Variants in DOCK1 observed in about 807,000 individuals in gnomAD.
DOCK1 encodes dedicator of cytokinesis 1.
A neutral mutation model predicts 262.7 loss-of-function variants in DOCK1; 138 were observed. The observed-to-expected ratio is 0.53, with a 90% confidence interval of 0.46 to 0.61. DOCK1 has a LOEUF of 0.61. Among genes scored for constraint, DOCK1 ranks in the 20% least tolerant of loss-of-function variants. DOCK1 has a pLI of 0.00. For synonymous variants in DOCK1, 866 were observed against 867.4 expected (o/e 1.00, Z 0.03); for missense variants, 1,908 against 2,370.7 (o/e 0.80, Z 4.05).
At chr10:127,194,658 T>C (rs2483868) in intron 27 of DOCK1, among the ~76,000 whole-genome samples, 152,055 of 152,288 alleles carry the variant, frequency 1, 75,911 homozygotes, top group Non-Finnish European at 1. Context: ...GCGCAGTCAC[T>C]CTGACAGTCC....
chr10:127,054,179 G>A (rs1365753473), intron 22 of DOCK1, among the ~76,000 whole-genome samples: 1 of 152,154 alleles, frequency 6.6e-6, no homozygotes, highest in Non-Finnish European at 1.5e-5. Context: ...AGGAGAAGGG[G>A]GAAGAATTCA....
intron 27 of DOCK1, among the ~76,000 whole-genome samples, chr10:127,236,367 C>T (rs1277771911): frequency 6.9e-6 from 1 of 145,470 alleles, no homozygotes; most frequent in African/African-American, 2.6e-5. Context: ...CCTTCCCTCC[C>T]TCCTTTGCTC....
intron 1 of DOCK1, among the ~76,000 whole-genome samples, chr10:126,914,465 C>G (rs1050365349): frequency 6.6e-6 from 1 of 152,052 alleles, no homozygotes; most frequent in African/African-American, 2.4e-5. Context: ...TGCAGTGATG[C>G]GATCATAGCT....
At chr10:126,989,838 T>C (rs2039668395) in intron 5 of DOCK1, among the ~76,000 whole-genome samples, 1 of 152,218 alleles carries the variant, frequency 6.6e-6, no homozygotes, top group Admixed American at 6.5e-5. Flanking sequence ...ATTTGCATTT[T>C]CCTCTTGTCA....
At chr10:127,340,075 TTTTTAA>T (rs1328663956) in intron 30 of DOCK1, among the ~76,000 whole-genome samples, 1 of 152,168 alleles carries the variant, frequency 6.6e-6, no homozygotes, top group African/African-American at 2.4e-5. Context: ...TTTTTATAAT[TTTTTAA>T]TTTTAAGTGT....
At chr10:127,313,146 C>G (rs1339388131) in intron 29 of DOCK1, among the ~76,000 whole-genome samples, 1 of 152,154 alleles carries the variant, frequency 6.6e-6, no homozygotes, top group Non-Finnish European at 1.5e-5. Context: ...ACCAGCTACT[C>G]TATGAAGTCT....
chr10:127,279,000 C>T (rs148990146), intron 29 of DOCK1, among the ~76,000 whole-genome samples: 59 of 152,340 alleles, frequency 3.9e-4, no homozygotes, highest in African/African-American at 1.4e-3. Flanking sequence ...GTGCCATGAA[C>T]AGTCTGGGTT....
intron 38 of DOCK1, among the ~76,000 whole-genome samples, chr10:127,398,328 C>T (rs894410152): frequency 5.3e-5 from 8 of 152,214 alleles, no homozygotes; most frequent in African/African-American, 1.7e-4. Context: ...TTCCTTGCAG[C>T]GTAGTTGCAG....
chr10:127,002,796 C>T (rs1161980703), intron 10 of DOCK1, among the ~76,000 whole-genome samples: 3 of 152,218 alleles, frequency 2.0e-5, no homozygotes, highest in South Asian at 2.1e-4. Flanking sequence ...TGGACACCCC[C>T]TTTGGTCCCT....
At chr10:127,389,750 T>C (rs1408663080) in intron 38 of DOCK1, among the ~76,000 whole-genome samples, 1 of 152,108 alleles carries the variant, frequency 6.6e-6, no homozygotes, top group Admixed American at 6.5e-5. Context: ...GCGTGGTGGC[T>C]CATGCCTGTA....
chr10:127,281,224 A>T (rs1287591190), intron 29 of DOCK1, among the ~76,000 whole-genome samples: 1 of 152,196 alleles, frequency 6.6e-6, no homozygotes. Flanking sequence ...GGCTTTCCTA[A>T]AATGCATTGC....
intron 40 of DOCK1, among the ~76,000 whole-genome samples, chr10:127,407,008 T>C (rs1411723887): frequency 6.6e-6 from 1 of 152,048 alleles, no homozygotes; most frequent in Non-Finnish European, 1.5e-5. Context: ...TATTATCTGG[T>C]TTCTGCTTGA....
intron 5 of DOCK1, among the ~76,000 whole-genome samples, chr10:126,987,883 T>C (rs751620173): frequency 6.6e-6 from 1 of 152,104 alleles, no homozygotes; most frequent in African/African-American, 2.4e-5. Context: ...TTTCCTTGCA[T>C]TGGAAGGAGA....
intron 3 of DOCK1, among the ~76,000 whole-genome samples, chr10:126,980,877 C>G (rs2134829838): frequency 6.6e-6 from 1 of 152,188 alleles, no homozygotes; most frequent in Non-Finnish European, 1.5e-5. Context: ...ACCCCGTTGC[C>G]TCTTTTCTTA....
intron 27 of DOCK1, among the ~76,000 whole-genome samples, chr10:127,167,614 TCTC>T (rs1443290106): frequency 6.6e-6 from 1 of 151,182 alleles, no homozygotes; most frequent in Non-Finnish European, 1.5e-5. Flanking sequence ...CTCTAGGGCC[TCTC>T]CTCTCATTTG....
chr10:127,329,579 T>C (rs1000916043), intron 29 of DOCK1, among the ~76,000 whole-genome samples: 2 of 152,052 alleles, frequency 1.3e-5, no homozygotes, highest in Non-Finnish European at 2.9e-5. Flanking sequence ...AAGACCCTTC[T>C]TTATTTGCCG....
At chr10:127,026,164 C>A (rs1280534487) in intron 15 of DOCK1, 188 bp from the exon 16 acceptor site, 1 of 575,342 alleles carries the variant, frequency 1.7e-6, no homozygotes. Flanking sequence ...GCAGCTGTTA[C>A]AATATGATAC....
Position 127,175,983 on chromosome 10 carries a change from C to T in DOCK1, c.2847+48219C>T. The T allele has an allele frequency of 3.1e-6, 5 of 1,614,216 alleles. No individual in the cohort carries two copies. The highest frequency in any genetic ancestry group is 4.2e-6 in the Non-Finnish European group (5 of 1,180,042). On this transcript the variant is annotated intron_variant, in intron 27 of 51. Transcript: ENST00000623213. This position sits in a 1 kb window ranked among gnomAD's most constrained non-coding sequence, Gnocchi z 6.3. ...ATCTGTTAGAAACCCATTGTTTTGG[C>T]TTTTAAAGGGATCTGCAGCTGGGAG...
At chr10:126,966,393 T>G (rs2037679199) in intron 1 of DOCK1, among the ~76,000 whole-genome samples, 2 of 152,358 alleles carry the variant, frequency 1.3e-5, no homozygotes, top group Admixed American at 1.3e-4. Flanking sequence ...ATACACTGAT[T>G]TCCTTTCCTT....
Sources: gnomAD v4.1 joint callset for allele counts (sites outside exome capture counted in the v4.1 genomes callset) on GRCh38, gnomAD v4.1.1 for gene constraint, Gnocchi (gnomAD v3.1) non-coding constraint, MANE v1.5 for transcripts, NCBI Gene and HGNC (gene_info 2026-07-23, HGNC 2026-07-21) for gene names.